Variants in KLHL42 observed in about 807,000 individuals in gnomAD.
The protein encoded by KLHL42 is kelch like family member 42, also known as kelch-like protein 42.
KLHL42 carries 27 observed loss-of-function variants against 32.7 expected under a neutral mutation model. The ratio of observed to expected loss-of-function variants is 0.83; its 90% CI spans 0.61 to 1.14. The LOEUF is 1.14. Among genes scored for constraint, KLHL42 ranks in the 50% most tolerant of loss-of-function variants. KLHL42 has a pLI of 0.00. For missense variants in KLHL42, 491 were observed against 560.8 expected (o/e 0.88, Z 1.26); for synonymous variants, 267 against 248.2 (o/e 1.08, Z -0.71).
intron 1 of KLHL42, among the ~76,000 whole-genome samples, chr12:27,791,111 T>C (rs1190879971): frequency 6.6e-6 from 1 of 152,216 alleles, no homozygotes; most frequent in Non-Finnish European, 1.5e-5. Flanking sequence ...TGTTCAGTGC[T>C]GACCTCTCCC....
intron 2 of KLHL42, chr12:27,797,132 AAC>A: frequency 7.4e-6 from 3 of 404,192 alleles, no homozygotes; most frequent in South Asian, 5.3e-5. Context: ...TTTAAAAAAA[AAC>A]AAAAAAAAAA....
Position 27,780,543 on chromosome 12 carries a change from C to T in KLHL42, c.213C>T (p.Ala71=), listed in dbSNP as rs750096961. The T allele has an allele frequency of 2.9e-5, 44 of 1,524,038 alleles. No homozygotes were observed. Among genetic ancestry groups the T allele is most frequent in the Non-Finnish European group, 3.8e-5 (43 of 1,139,824 alleles). The allele number at this position is 1,524,038 out of a possible 1,614,324, so 94.4% of individuals were successfully genotyped here. Residue 71 remains alanine, a synonymous_variant, in exon 1 of 3, where the codon GCC becomes GCT. Transcript: ENST00000381271. The surrounding 1 kb of genome is among the most constrained non-coding windows in gnomAD (Gnocchi z 8.8). ...GGCTGGTGCTGGACTTCATCAACGC[C>T]GGCGGGGCCCGCGAAGGCTGGCTCC... ...GLRLVLDFIN[A]GGAREGWLLG... is the part of the protein sequence containing the mutation.
chr12:27,798,686 T>C lies in KLHL42; in HGVS notation c.*520T>C, dbSNP rs889856070. Reference sequence around the variant, plus strand: ...ATGTTTAGGGTTCTGTGTTCAGATATTTTGTTTGCACACTACTTTTTAGGA... The same window carrying C: ...ATGTTTAGGGTTCTGTGTTCAGATACTTTGTTTGCACACTACTTTTTAGGA... On this transcript the variant is annotated 3_prime_UTR_variant, in exon 3 of 3. Coordinates refer to ENST00000381271, the MANE Select transcript of KLHL42 (RefSeq NM_020782.2). 3 of 152,166 alleles carry C rather than the reference T, an allele frequency of 2.0e-5. No homozygotes were observed. Among genetic ancestry groups the C allele is most frequent in the African/African-American group, 7.3e-5 (3 of 41,104 alleles). 9.4% of individuals were successfully genotyped at this position (152,166 alleles called of 1,614,324 possible).
intron 2 of KLHL42, among the ~76,000 whole-genome samples, chr12:27,793,842 A>T (rs548303976): frequency 3.3e-5 from 5 of 152,152 alleles, no homozygotes; most frequent in Non-Finnish European, 5.9e-5. Context: ...GTGGTACCAT[A>T]TGGGCAGGAC....
chr12:27,788,123 C>G (rs1293483541), intron 1 of KLHL42: 2 of 152,160 alleles, frequency 1.3e-5, no homozygotes, highest in East Asian at 3.9e-4. Context: ...CTGGATGGCC[C>G]ACAGACTTAA....
rs779764688 is a variant in KLHL42 at position 27,797,841 on chromosome 12, G to A, written c.1193G>A (p.Gly398Glu). 2.6e-6 allele frequency: 2 copies of A among 779,362 alleles called. No homozygotes were observed. The highest frequency in any genetic ancestry group is 4.8e-6 in the Non-Finnish European group (2 of 416,838). The allele number at this position is 779,362 out of a possible 1,614,324, so 48.3% of individuals were successfully genotyped here. ...GAAGAGACCATCTACATCGTGGGGG[G>A]GTGTCTCCACGAGCTGGGGCCCAAC... is the stretch of plus-strand genomic sequence containing the variant. ...SVEETIYIVG[G>E]CLHELGPNRR... Residue 398 changes from glycine to glutamate, a missense_variant, in exon 3 of 3, where the codon GGG becomes GAG. Physicochemically the swap from Gly to Glu is moderately conservative, Grantham distance 98. This residue lies in a region of KLHL42 where 152 missense variants were observed against 125.9 expected (regional missense o/e 1.21). Coordinates refer to ENST00000381271, the MANE Select transcript of KLHL42 (RefSeq NM_020782.2).
rs997509188 is a variant in KLHL42 at position 27,802,006 on chromosome 12, C to T, written c.*3840C>T. ...CACTTTTGTCTGGCACATTGGGGCT[C>T]GGTGGTCTGGTGGTCCCTTCGGTCT... On this transcript the variant is annotated 3_prime_UTR_variant, in exon 3 of 3. Coordinates refer to ENST00000381271, the MANE Select transcript of KLHL42 (RefSeq NM_020782.2). The T allele has an allele frequency of 3.3e-5, 5 of 152,062 alleles. No individual in the cohort carries two copies. Among genetic ancestry groups the T allele is most frequent in the African/African-American group, 7.2e-5 (3 of 41,410 alleles). The allele number at this position is 152,062 out of a possible 1,614,324, so 9.4% of individuals were successfully genotyped here. A position where few individuals can be genotyped will look rare whatever the true frequency, so the allele number is the denominator to read the frequency against.
chr12:27,783,524 A>T (rs756342578), intron 1 of KLHL42, among the ~76,000 whole-genome samples: 1 of 152,200 alleles, frequency 6.6e-6, no homozygotes, highest in African/African-American at 2.4e-5. Flanking sequence ...TTTCCATTTA[A>T]CCATATCTGA....
In KLHL42 at chr12:27,793,902, G is replaced by T. The variant is rs530530845; in HGVS notation, c.1066+2001G>T. Among the ~76,000 whole-genome samples the T allele has an allele frequency of 4.3e-4, 65 of 152,306 alleles. 1 individual carries two copies. The highest frequency in any genetic ancestry group is 1.4e-3 in the African/African-American group (60 of 41,568). On this transcript the variant is annotated intron_variant, in intron 2 of 2. Coordinates refer to ENST00000381271, the MANE Select transcript of KLHL42 (RefSeq NM_020782.2). ...AGCCTGAAGAAGACCCTGTGAGGCC[G>T]CAGCAGCCATGGGAACTTCCCAAAG...
chr12:27,798,270 AGT>A lies in KLHL42; in HGVS notation c.*105_*106del. 1.5e-6 allele frequency: 1 copy of A among 655,900 alleles called. No individual in the cohort carries two copies. Among genetic ancestry groups the A allele is most frequent in the South Asian group, 1.8e-5 (1 of 55,694 alleles). The allele number at this position is 655,900 out of a possible 1,614,324, so 40.6% of individuals were successfully genotyped here. A position where few individuals can be genotyped will look rare whatever the true frequency, so the allele number is the denominator to read the frequency against. On this transcript the variant is annotated 3_prime_UTR_variant, in exon 3 of 3. Transcript: ENST00000381271. Reference sequence around the variant, plus strand: ...TTCCTAAAGGGTAAAGAAGGGTTAAAGTAGGTCACATATATACAGTAGCAGCT... The same window carrying A: ...TTCCTAAAGGGTAAAGAAGGGTTAAAAGGTCACATATATACAGTAGCAGCT...
intron 1 of KLHL42, among the ~76,000 whole-genome samples, chr12:27,791,048 A>G (rs183100132): frequency 1.3e-5 from 2 of 152,310 alleles, no homozygotes; most frequent in Non-Finnish European, 2.9e-5. Flanking sequence ...GTGACAGAGC[A>G]AGACCCTGTT....
At position 27,798,161 on chromosome 12, in the gene KLHL42, A is replaced by G. The variant is rs148320892; in HGVS notation, c.1513A>G (p.Thr505Ala). The change falls in exon 3 of 3, where the codon ACA (threonine) becomes GCA (alanine). Residue 505 changes from threonine to alanine, a missense_variant. Physicochemically the swap from Thr to Ala is moderately conservative, Grantham distance 58 (BLOSUM62 0). Transcript: ENST00000381271. ...SSLYLPNKAET is the reference protein window; with the variant it reads ...SSLYLPNKAEA ...TCTTTATCTGCCCAATAAAGCAGAA[A>G]CATGACTGAATTGAATTGGTAGATG... 4 of 776,250 alleles carry G rather than the reference A, an allele frequency of 5.2e-6. No homozygotes were observed. Among genetic ancestry groups the G allele is most frequent in the Non-Finnish European group, 9.6e-6 (4 of 415,350 alleles). 48.1% of individuals were successfully genotyped at this position (776,250 alleles called of 1,614,324 possible). A position where few individuals can be genotyped will look rare whatever the true frequency, so the allele number is the denominator to read the frequency against.
intron 2 of KLHL42, among the ~76,000 whole-genome samples, chr12:27,796,069 A>G (rs2062217076): frequency 6.6e-6 from 1 of 152,246 alleles, no homozygotes; most frequent in Non-Finnish European, 1.5e-5. Context: ...GATCTTTATC[A>G]TAATAGCTAC....
intron 1 of KLHL42, among the ~76,000 whole-genome samples, chr12:27,788,635 C>T (rs1338865699): frequency 6.6e-6 from 1 of 152,174 alleles, no homozygotes; most frequent in Non-Finnish European, 1.5e-5. Context: ...TTCAAGGCTG[C>T]AGTGAGCCAT....
Position 27,799,946 on chromosome 12 carries a change from C to G in KLHL42, c.*1780C>G. The G allele has an allele frequency of 1.1e-6, 1 of 899,720 alleles. No individual in the cohort carries two copies. The highest frequency in any genetic ancestry group is 5.2e-5 in the South Asian group (1 of 19,412). 55.7% of individuals were successfully genotyped at this position (899,720 alleles called of 1,614,324 possible). A position where few individuals can be genotyped will look rare whatever the true frequency, so the allele number is the denominator to read the frequency against. ...AAAAATAAAACCTCTGAACCAAAAT[C>G]TTCCCAGGAATAGTACTTAATAGAT... On this transcript the variant is annotated 3_prime_UTR_variant, in exon 3 of 3. Transcript: ENST00000381271.
chr12:27,784,034 C>T (rs954319927), intron 1 of KLHL42, among the ~76,000 whole-genome samples: 4 of 151,742 alleles, frequency 2.6e-5, no homozygotes, highest in Non-Finnish European at 4.4e-5. Context: ...CTGGTAGATG[C>T]GTGCATGTAT....
At chr12:27,791,580 G>A (rs746256660) in intron 1 of KLHL42, 128 bp from the exon 2 acceptor site, 23 of 772,244 alleles carry the variant, frequency 3.0e-5, no homozygotes, top group African/African-American at 5.2e-5. Flanking sequence ...GTCCTCAGGC[G>A]GAATGGCCCC....
intron 1 of KLHL42, among the ~76,000 whole-genome samples, chr12:27,784,377 G>A (rs1316040715): frequency 6.6e-6 from 1 of 150,926 alleles, no homozygotes; most frequent in Non-Finnish European, 1.5e-5. Context: ...TCCTGACCTC[G>A]TGATCCGCCC....
At chr12:27,785,919 CATT>C (rs1158539967) in intron 1 of KLHL42, among the ~76,000 whole-genome samples, 3 of 152,260 alleles carry the variant, frequency 2.0e-5, no homozygotes, top group Admixed American at 6.5e-5. Flanking sequence ...TGGTAACAGT[CATT>C]ATATTTATTT....
Sources: gnomAD v4.1 joint callset for allele counts (sites outside exome capture counted in the v4.1 genomes callset) on GRCh38, gnomAD v4.1.1 for gene constraint, gnomAD v4.1.1 regional missense constraint, Gnocchi (gnomAD v3.1) non-coding constraint, MANE v1.5 for transcripts, NCBI Gene and HGNC (gene_info 2026-07-23, HGNC 2026-07-21) for gene names.